Variants in SCN1A observed in about 807,000 individuals in gnomAD.
SCN1A encodes sodium channel protein type 1 subunit alpha.
In SCN1A, 13 loss-of-function variants were observed where a neutral mutation model predicts 193.7. That is an observed-to-expected ratio of 0.07 (90% confidence interval 0.04 to 0.11). The LOEUF is 0.11. SCN1A is among the 10% of genes least tolerant of loss of function. The pLI is 1.00. For synonymous variants in SCN1A, 781 were observed against 843.6 expected (o/e 0.93, Z 1.29); for missense variants, 1,432 against 2,451.1 (o/e 0.58, Z 8.78).
chr2:166,105,766 C>T (rs1688620562), intron 2 of SCN1A, among the ~76,000 whole-genome samples: 2 of 152,112 alleles, frequency 1.3e-5, no homozygotes, highest in African/African-American at 4.8e-5. Context: ...TAAACTTGTC[C>T]AATTCCTTTT....
intron 19 of SCN1A, among the ~76,000 whole-genome samples, chr2:166,025,918 C>G (rs1421335450): frequency 6.6e-6 from 1 of 151,970 alleles, no homozygotes; most frequent in Non-Finnish European, 1.5e-5. Context: ...TTTGAAATAG[C>G]TATTTTGGTA....
At chr2:166,130,970 C>G (rs1168793423), upstream of SCN1A, among the ~76,000 whole-genome samples, 1 of 152,174 alleles carries the variant, frequency 6.6e-6, no homozygotes, top group Non-Finnish European at 1.5e-5. Context: ...GTCACTACTA[C>G]ACTTATCCCA....
chr2:166,050,899 G>C (rs1305339147), intron 9 of SCN1A, among the ~76,000 whole-genome samples: 1 of 151,150 alleles, frequency 6.6e-6, no homozygotes, highest in African/African-American at 2.4e-5. Flanking sequence ...ATTTCCTTAA[G>C]GTAATAAAAT....
At chr2:166,017,541 A>C (rs56337829) in intron 19 of SCN1A, among the ~76,000 whole-genome samples, 12,575 of 152,036 alleles carry the variant, frequency 0.083, 1,119 homozygotes, top group African/African-American at 0.2. Flanking sequence ...CACTTCAACA[A>C]GTGCCTTCAT....
intron 2 of SCN1A, among the ~76,000 whole-genome samples, chr2:166,121,019 A>G (rs980968172): frequency 6.6e-6 from 1 of 151,120 alleles, no homozygotes; most frequent in Non-Finnish European, 1.5e-5. Flanking sequence ...AGTTAAGTTT[A>G]CTCTTAACTA....
At chr2:166,056,585 G>T in intron 5 of SCN1A, 85 bp from the exon 6 acceptor site, 7 of 945,918 alleles carry the variant, frequency 7.4e-6, no homozygotes, top group Non-Finnish European at 1.2e-5. Context: ...AGCCCAAACT[G>T]CAGCTTAGCC....
At chr2:166,027,952 C>CA (rs1695030020) in intron 19 of SCN1A, among the ~76,000 whole-genome samples, 1 of 152,094 alleles carries the variant, frequency 6.6e-6, no homozygotes, top group Non-Finnish European at 1.5e-5. Flanking sequence ...CTAGAAAACT[C>CA]AAATATTAAC....
upstream of SCN1A, among the ~76,000 whole-genome samples, chr2:166,128,546 G>A (rs534798): frequency 0.86 from 130,161 of 152,112 alleles, 55,852 homozygotes; most frequent in East Asian, 0.98. Flanking sequence ...CACAAAATGT[G>A]AGTTTTACTT....
chr2:166,053,028 T>A, intron 7 of SCN1A, 85 bp from the exon 8 acceptor site: 1 of 1,425,056 alleles, frequency 7.0e-7, no homozygotes, highest in South Asian at 1.1e-5. Flanking sequence ...TTTACTCTAA[T>A]CACTTCTTAC....
chr2:166,116,683 G>T (rs760124836), intron 2 of SCN1A, among the ~76,000 whole-genome samples: 1 of 150,946 alleles, frequency 6.6e-6, no homozygotes, highest in Non-Finnish European at 1.5e-5. Flanking sequence ...TAATTTTTTT[G>T]TCTCAAGACT....
upstream of SCN1A, among the ~76,000 whole-genome samples, chr2:166,128,947 G>T (rs571009010): frequency 1.8e-4 from 28 of 152,120 alleles, no homozygotes; most frequent in African/African-American, 6.3e-4. Context: ...TAAACATTCA[G>T]TCATACATAA....
At position 166,007,890 on chromosome 2, in the gene SCN1A, T is replaced by G. The variant is rs58058471; in HGVS notation, c.4002+1829A>C. On this transcript the variant is annotated intron_variant, in intron 23 of 28. Transcript: ENST00000674923. Reference sequence around the variant, plus strand: ...TTCTTATATCCAACCTCACCATCATTCATGATTATATTTTTACAAAATAAA... The same window carrying G: ...TTCTTATATCCAACCTCACCATCATGCATGATTATATTTTTACAAAATAAA... 2.3e-3 allele frequency among the ~76,000 whole-genome samples: 348 copies of G among 151,320 alleles called. 3 individuals are homozygous for G. Among genetic ancestry groups the G allele is most frequent in the African/African-American group, 7.9e-3 (328 of 41,422 alleles).
chr2:166,085,601 T>C (rs1373440740), intron 2 of SCN1A, among the ~76,000 whole-genome samples: 1 of 152,020 alleles, frequency 6.6e-6, no homozygotes, highest in Admixed American at 6.6e-5. Flanking sequence ...AGAGAAAAAC[T>C]GCAGGGGAAA....
At chr2:166,139,043 C>T (rs1486485425) in intron 1 of SCN1A, among the ~76,000 whole-genome samples, 1 of 152,194 alleles carries the variant, frequency 6.6e-6, no homozygotes, top group African/African-American at 2.4e-5. Flanking sequence ...TGGCCAATTT[C>T]TCCCATTTTG....
At chr2:166,103,669 G>A (rs972368409) in intron 2 of SCN1A, among the ~76,000 whole-genome samples, 1 of 152,024 alleles carries the variant, frequency 6.6e-6, no homozygotes, top group South Asian at 2.1e-4. Context: ...GAAGATAAAG[G>A]TAAAGGACTG....
chr2:166,037,632 AAC>A (rs1696566107), intron 18 of SCN1A, 142 bp downstream of exon 18: 3 of 771,656 alleles, frequency 3.9e-6, no homozygotes, highest in Non-Finnish European at 6.4e-6. Context: ...TTTTTGACAA[AAC>A]AGTCACCATT....
At chr2:166,082,436 AT>A (rs1314561738) in intron 2 of SCN1A, among the ~76,000 whole-genome samples, 2 of 151,890 alleles carry the variant, frequency 1.3e-5, no homozygotes, top group Non-Finnish European at 2.9e-5. Context: ...TTAAAATAGT[AT>A]TTATCTACTC....
chr2:166,088,909 A>G (rs1686449735), intron 2 of SCN1A, among the ~76,000 whole-genome samples: 1 of 152,222 alleles, frequency 6.6e-6, no homozygotes, highest in Non-Finnish European at 1.5e-5. Context: ...AGTAACCACC[A>G]TAATGATTTA....
chr2:166,122,003 T>C lies in SCN1A; in HGVS notation c.-142+4921A>G, dbSNP rs555462888. On this transcript the variant is annotated intron_variant, in intron 2 of 28. Transcript: ENST00000674923. ...ACATGCACAGAGGAAAAGACAGACATCAGCAAGCCAAGGAGACGGGCTTTA... is the reference window on the plus strand; with the variant it reads ...ACATGCACAGAGGAAAAGACAGACACCAGCAAGCCAAGGAGACGGGCTTTA... Among the ~76,000 whole-genome samples, 8 of 152,250 alleles carry C rather than the reference T, an allele frequency of 5.3e-5. No homozygotes were observed. The East Asian group carries it at 1.5e-3, about 29-fold the overall frequency.
Sources: allele counts gnomAD v4.1 joint callset (sites outside exome capture counted in the v4.1 genomes callset), GRCh38; gene constraint gnomAD v4.1.1; transcripts MANE v1.5; gene names NCBI Gene and HGNC (gene_info 2026-07-23, HGNC 2026-07-21).